The following ZFAND1 variants were observed in gnomAD, a reference collection of about 807,000 sequenced individuals.
ZFAND1 encodes the protein AN1-type zinc finger protein 1.
In ZFAND1, 40 loss-of-function variants were observed where a neutral mutation model predicts 38.5. The observed-to-expected ratio is 1.04, with a 90% confidence interval of 0.81 to 1.35. The LOEUF (loss-of-function observed/expected upper bound fraction) is 1.35. Ranked by LOEUF, ZFAND1 falls within the 40% of genes most tolerant of loss-of-function variation. The pLI is 0.00. For missense variants in ZFAND1, 346 were observed against 316.3 expected, an observed-to-expected ratio of 1.09 and a Z score of -0.71; for synonymous variants, 117 against 103.6, an observed-to-expected ratio of 1.13 and a Z score of -0.78.
At chr8:81,713,582 C>T (rs1471544073) in intron 6 of ZFAND1, among the ~76,000 whole-genome samples, 2 of 151,938 alleles carry the variant, frequency 1.3e-5, no homozygotes, top group Non-Finnish European at 2.9e-5. Flanking sequence ...TCTACATATA[C>T]ACAAGGATGG....
chr8:81,715,651 A>T (rs1808286078), intron 3 of ZFAND1, among the ~76,000 whole-genome samples: 1 of 132,290 alleles, frequency 7.6e-6, no homozygotes, highest in African/African-American at 2.8e-5. Context: ...TTATAAGACT[A>T]AAAAAAAAAA....
chr8:81,702,915 G>A, intron 7 of ZFAND1, 50 bp from the exon 8 acceptor site: 1 of 1,528,646 alleles, frequency 6.5e-7, no homozygotes, highest in South Asian at 1.3e-5. Flanking sequence ...ATGCTTGAAT[G>A]GAGCATCATA....
rs766327906 is a variant in ZFAND1, at chr8:81,702,704, G to A, written c.798C>T (p.Tyr266=). 6.5e-7 allele frequency: 1 copy of A among 1,535,072 alleles called. No homozygotes were observed. The highest frequency in any genetic ancestry group is 1.3e-5 in the South Asian group (1 of 76,258). ...TTGAATCTTTGAATGACTATTCCAA[G>A]TAAGATTCAACATTTTTACAGAATT... ...EEQFCKNVES[Y]LE The change falls in exon 8 of 8, where the codon TAC becomes TAT. Residue 266 remains tyrosine (Y), a synonymous_variant. Transcript: ENST00000220669.
chr8:81,708,582 A>C (rs1406779430), intron 6 of ZFAND1, among the ~76,000 whole-genome samples: 1 of 152,226 alleles, frequency 6.6e-6, no homozygotes, highest in Non-Finnish European at 1.5e-5. Context: ...CCAAATGCCT[A>C]AAAAACATAT....
intron 6 of ZFAND1, among the ~76,000 whole-genome samples, chr8:81,705,469 T>G (rs558450464): frequency 1.3e-5 from 2 of 151,824 alleles, no homozygotes; most frequent in Non-Finnish European, 2.9e-5. Flanking sequence ...GACATGAAGA[T>G]CCAAGTCAAA....
intron 6 of ZFAND1, among the ~76,000 whole-genome samples, chr8:81,709,153 A>AC (rs1295835311): frequency 6.6e-6 from 1 of 152,164 alleles, no homozygotes; most frequent in Non-Finnish European, 1.5e-5. Context: ...GCCACAGTAC[A>AC]CCCACACCAC....
chr8:81,716,804 G>A lies in ZFAND1; in HGVS notation c.138+445C>T, dbSNP rs188082987. On this transcript the variant is annotated intron_variant, in intron 3 of 7. Coordinates refer to ENST00000220669, the MANE Select transcript of ZFAND1 (RefSeq NM_024699.3). ...CTCTACTAAAATACAAAAATTAGTC[G>A]GGCGTGGTGGCACGTGCCTATAATC... is the stretch of plus-strand genomic sequence containing the variant. Among the ~76,000 whole-genome samples, 256 of 152,084 alleles carry A rather than the reference G, an allele frequency of 1.7e-3. 2 individuals carry two copies. Among genetic ancestry groups the A allele is most frequent in the Non-Finnish European group, 8.2e-4 (56 of 67,982 alleles).
intron 6 of ZFAND1, among the ~76,000 whole-genome samples, chr8:81,705,155 T>C (rs933777547): frequency 2.6e-5 from 4 of 152,088 alleles, no homozygotes; most frequent in African/African-American, 9.7e-5. Flanking sequence ...GAGGAGTGTG[T>C]GGGACCTCTG....
intron 6 of ZFAND1, among the ~76,000 whole-genome samples, chr8:81,712,855 C>T (rs1808178933): frequency 6.6e-6 from 1 of 152,030 alleles, no homozygotes; most frequent in Non-Finnish European, 1.5e-5. Context: ...GCAAAGTGAT[C>T]CTAAAATTTT....
intron 6 of ZFAND1, 107 bp from the exon 7 acceptor site, chr8:81,703,231 A>C: frequency 1.4e-6 from 1 of 733,640 alleles, no homozygotes; most frequent in Non-Finnish European, 2.0e-6. Context: ...ATTACCTTCT[A>C]ACAAGGTATC....
At chr8:81,704,538 CAAAAA>C (rs58216047) in intron 6 of ZFAND1, among the ~76,000 whole-genome samples, 4 of 105,296 alleles carry the variant, frequency 3.8e-5, no homozygotes, top group Admixed American at 2.0e-4. Flanking sequence ...GACCCTATTT[CAAAAA>C]AAAAAAAAAA....
chr8:81,704,879 T>C (rs182986961), intron 6 of ZFAND1, among the ~76,000 whole-genome samples: 18 of 151,636 alleles, frequency 1.2e-4, no homozygotes, highest in Non-Finnish European at 2.2e-4. Flanking sequence ...TATAATCAAA[T>C]ATTACCTGCT....
intron 6 of ZFAND1, among the ~76,000 whole-genome samples, chr8:81,704,453 A>G (rs1451744509): frequency 6.6e-6 from 1 of 150,950 alleles, no homozygotes; most frequent in Non-Finnish European, 1.5e-5. Context: ...TGGGAGGATC[A>G]CTTGAGCCCA....
intron 5 of ZFAND1, 195 bp downstream of exon 5, chr8:81,714,609 C>A (rs948121445): frequency 1.4e-4 from 75 of 547,858 alleles, no homozygotes; most frequent in South Asian, 5.1e-4. Context: ...AGTGGAGTAC[C>A]TCCAAATAAT....
intron 6 of ZFAND1, among the ~76,000 whole-genome samples, chr8:81,710,027 C>T (rs1808093134): frequency 6.6e-6 from 1 of 152,180 alleles, no homozygotes; most frequent in Non-Finnish European, 1.5e-5. Context: ...CAGGTCTTCT[C>T]AACTTTGTCC....
chr8:81,713,843 A>G, intron 6 of ZFAND1, 75 bp downstream of exon 6: 1 of 1,442,446 alleles, frequency 6.9e-7, no homozygotes, highest in African/African-American at 1.4e-5. Context: ...TTGTTAATTG[A>G]TGGGAAGGAG....
chr8:81,708,623 G>C (rs564938047), intron 6 of ZFAND1, among the ~76,000 whole-genome samples: 1 of 152,078 alleles, frequency 6.6e-6, no homozygotes, highest in African/African-American at 2.4e-5. Flanking sequence ...TAGTAGTCAG[G>C]AAAATACAAA....
At chr8:81,707,939 C>A (rs1282162266) in intron 6 of ZFAND1, among the ~76,000 whole-genome samples, 2 of 152,084 alleles carry the variant, frequency 1.3e-5, no homozygotes, top group Non-Finnish European at 2.9e-5. Context: ...ATTAAAAAAA[C>A]AGGTGGATTA....
At chr8:81,716,741 A>G (rs774994754) in intron 3 of ZFAND1, among the ~76,000 whole-genome samples, 8 of 152,214 alleles carry the variant, frequency 5.3e-5, no homozygotes, top group Admixed American at 3.9e-4. Flanking sequence ...TGAGGTCAGG[A>G]GTTTGAGACC....
Sources: gnomAD v4.1 joint callset for allele counts (sites outside exome capture counted in the v4.1 genomes callset) on GRCh38, gnomAD v4.1.1 for gene constraint, MANE v1.5 for transcripts, NCBI Gene and HGNC (gene_info 2026-07-23, HGNC 2026-07-21) for gene names.